Variants in ARHGEF18 observed in about 807,000 individuals in gnomAD.
ARHGEF18 encodes rho guanine nucleotide exchange factor 18.
ARHGEF18 carries 93 observed loss-of-function variants against 155.7 expected under a neutral mutation model. The ratio of observed to expected loss-of-function variants is 0.60; its 90% CI spans 0.50 to 0.71. The LOEUF is 0.71. Ranked by LOEUF, ARHGEF18 falls within the 30% of genes least tolerant of loss-of-function variation. The pLI is 0.00. For synonymous variants in ARHGEF18, 742 were observed against 753.1 expected (o/e 0.99, Z 0.24); for missense variants, 1,593 against 1,816.1 (o/e 0.88, Z 2.23).
Position 7,395,168 on chromosome 19 carries a change from G to A in ARHGEF18, c.967+11965G>A, listed in dbSNP as rs3810215. 3 of 986,018 alleles carry A rather than the reference G, an allele frequency of 3.0e-6. No individual in the cohort carries two copies. The highest frequency in any genetic ancestry group is 4.7e-5 in the South Asian group (1 of 21,316). 61.1% of individuals were successfully genotyped at this position (986,018 alleles called of 1,614,324 possible). ...CTGCTAGCTACTGTGGATCTGGGGG[G>A]GCCGGACGGAGGCATCGGAGGCGGC... On this transcript the variant is annotated intron_variant, in intron 10 of 28. Coordinates refer to ENST00000668164, the MANE Select transcript of ARHGEF18 (RefSeq NM_001367823.1). The surrounding 1 kb of genome is among the most constrained non-coding windows in gnomAD (Gnocchi z 5.0).
chr19:7,381,374 C>G (rs1289186855), intron 8 of ARHGEF18, among the ~76,000 whole-genome samples: 1 of 152,100 alleles, frequency 6.6e-6, no homozygotes, highest in Non-Finnish European at 1.5e-5. Flanking sequence ...GGCGCTCACA[C>G]TTTATCCGAA....
rs1298122710 is a variant in ARHGEF18 at position 7,467,488 on chromosome 19, C to T, written c.3284C>T (p.Ala1095Val). ...GARLQEREGE[A>V]RQLRERLEQE... ...CGGCTGCAGGAGCGCGAGGGCGAGGCGCGGCAGCTACGCGAGCGGCTGGAG... is the reference window on the plus strand; with the variant it reads ...CGGCTGCAGGAGCGCGAGGGCGAGGTGCGGCAGCTACGCGAGCGGCTGGAG... Residue 1095 changes from alanine to valine, a missense_variant, in exon 26 of 29, where the codon GCG becomes GTG. Transcript: ENST00000668164. 1.4e-6 allele frequency: 2 copies of T among 1,445,016 alleles called. No individual in the cohort carries two copies. Among genetic ancestry groups the T allele is most frequent in the South Asian group, 1.4e-5 (1 of 70,590 alleles). 89.5% of individuals were successfully genotyped at this position (1,445,016 alleles called of 1,614,324 possible).
chr19:7,356,720 C>T (rs947056089), intron 1 of ARHGEF18, among the ~76,000 whole-genome samples: 13 of 152,142 alleles, frequency 8.5e-5, no homozygotes, highest in African/African-American at 2.2e-4. Context: ...TTCTTGTCTC[C>T]GGCTCCCCAC....
intron 10 of ARHGEF18, among the ~76,000 whole-genome samples, chr19:7,422,379 G>C (rs1296431219): frequency 7.0e-6 from 1 of 143,266 alleles, no homozygotes; most frequent in Non-Finnish European, 1.5e-5. Flanking sequence ...GCAGCCTTCT[G>C]TCCTGTAACC....
At chr19:7,359,901 T>C (rs1305819222) in intron 1 of ARHGEF18, among the ~76,000 whole-genome samples, 2 of 152,128 alleles carry the variant, frequency 1.3e-5, no homozygotes, top group South Asian at 2.1e-4. Flanking sequence ...ATGCCTGTAA[T>C]CCCAGCACTT....
At chr19:7,399,955 G>C (rs1462240432) in intron 10 of ARHGEF18, among the ~76,000 whole-genome samples, 2 of 152,034 alleles carry the variant, frequency 1.3e-5, no homozygotes, top group East Asian at 3.9e-4. Flanking sequence ...GTATTTTTGT[G>C]TGTGTGTTAG....
rs1976508073 is a variant in ARHGEF18 at position 7,464,685 on chromosome 19, C to T, written c.2899C>T (p.Gln967Ter). ...TCCTGGGAGCTCTGAGGAATCGCCGCAGGTGGTACGTGGATATCCATTTGC... is the reference window on the plus strand; with the variant it reads ...TCCTGGGAGCTCTGAGGAATCGCCGTAGGTGGTACGTGGATATCCATTTGC... Reference protein sequence around the residue: ...DIPGSSEESPQVVEAPGTESD... With the variant: ...DIPGSSEESP Residue 967 changes from glutamine (Q) to a stop codon, truncating the protein, a stop_gained, in exon 23 of 29, where the codon CAG (glutamine) becomes TAG (stop). Coordinates refer to ENST00000668164, the MANE Select transcript of ARHGEF18 (RefSeq NM_001367823.1). LOFTEE classifies it high-confidence loss of function. The T allele has an allele frequency of 6.2e-7, 1 of 1,613,870 alleles. No individual in the cohort carries two copies. Among genetic ancestry groups the T allele is most frequent in the South Asian group, 1.1e-5 (1 of 91,086 alleles).
chr19:7,366,462 G>T (rs530135910), intron 2 of ARHGEF18, among the ~76,000 whole-genome samples: 1 of 152,290 alleles, frequency 6.6e-6, no homozygotes, highest in East Asian at 1.9e-4. Flanking sequence ...CCTGTAATGT[G>T]CTTACCTGCA....
chr19:7,400,834 CTAAAT>C (rs1971991174), intron 10 of ARHGEF18, among the ~76,000 whole-genome samples: 1 of 152,004 alleles, frequency 6.6e-6, no homozygotes, highest in African/African-American at 2.4e-5. Context: ...GACCCTATCT[CTAAAT>C]AAATAAATAT....
chr19:7,373,169 G>A (rs1970277609), intron 3 of ARHGEF18, 98 bp downstream of exon 3: 2 of 1,225,092 alleles, frequency 1.6e-6, no homozygotes, highest in Admixed American at 4.2e-5. Flanking sequence ...GCCACCCCTT[G>A]CACCTGCCGT....
rs188875961 is a variant in ARHGEF18 at position 7,416,462 on chromosome 19, G to A, written c.968-23882G>A. On this transcript the variant is annotated intron_variant, in intron 10 of 28. Coordinates refer to ENST00000668164, the MANE Select transcript of ARHGEF18 (RefSeq NM_001367823.1). Reference sequence around the variant, plus strand: ...TTAGAAAATAAAATGACCTTCAAACGTAGTGCTGCAGTGCCAGCAAGTGCC... The same window carrying A: ...TTAGAAAATAAAATGACCTTCAAACATAGTGCTGCAGTGCCAGCAAGTGCC... Among the ~76,000 whole-genome samples the A allele has an allele frequency of 4.1e-3, 617 of 151,228 alleles. 1 individual carries two copies. Among genetic ancestry groups the A allele is most frequent in the Middle Eastern group, 6.9e-3 (2 of 290 alleles).
At chr19:7,456,248 G>T in intron 17 of ARHGEF18, 79 bp from the exon 18 acceptor site, 3 of 1,287,116 alleles carry the variant, frequency 2.3e-6, no homozygotes, top group Non-Finnish European at 1.1e-6. Flanking sequence ...TTCCTGGGAA[G>T]TGGCATCCGC....
intron 10 of ARHGEF18, chr19:7,394,942 T>A: frequency 7.5e-6 from 4 of 536,486 alleles, no homozygotes; most frequent in Non-Finnish European, 9.4e-6. Context: ...GCGAGCACCC[T>A]CCCACTTCGG....
chr19:7,374,927 T>A (rs943480292), intron 3 of ARHGEF18, among the ~76,000 whole-genome samples: 2 of 151,554 alleles, frequency 1.3e-5, no homozygotes, highest in Non-Finnish European at 3.0e-5. Context: ...AGGCAGGGGG[T>A]GCTCTAGCCA....
chr19:7,428,922 A>G (rs1973809080), intron 10 of ARHGEF18, among the ~76,000 whole-genome samples: 1 of 152,170 alleles, frequency 6.6e-6, no homozygotes, highest in African/African-American at 2.4e-5. Flanking sequence ...GGAGATGAAC[A>G]GCACCTGACC....
At chr19:7,374,790 C>T (rs9329372) in intron 3 of ARHGEF18, among the ~76,000 whole-genome samples, 29,914 of 151,994 alleles carry the variant, frequency 0.2, 6,722 homozygotes, top group African/African-American at 0.54. Context: ...ATCAGACCCA[C>T]GCATATAAGC....
chr19:7,378,684 CTTTTT>C (rs548305968), intron 6 of ARHGEF18, among the ~76,000 whole-genome samples: 5,561 of 88,124 alleles, frequency 0.063, 350 homozygotes, highest in Admixed American at 0.099. Flanking sequence ...ACAATTGTGG[CTTTTT>C]TTTTTTTTTT....
At chr19:7,385,535 G>A (rs1970965049) in intron 10 of ARHGEF18, among the ~76,000 whole-genome samples, 1 of 150,532 alleles carries the variant, frequency 6.6e-6, no homozygotes, top group African/African-American at 2.4e-5. Context: ...GAGTGCAGTG[G>A]CACGATCATA....
At chr19:7,402,836 G>A (rs1287230812) in intron 10 of ARHGEF18, among the ~76,000 whole-genome samples, 2 of 152,158 alleles carry the variant, frequency 1.3e-5, no homozygotes, top group African/African-American at 2.4e-5. Flanking sequence ...GTGTGACAAA[G>A]TGAGAGCCTC....
Sources: gnomAD v4.1 joint callset for allele counts (sites outside exome capture counted in the v4.1 genomes callset) on GRCh38, gnomAD v4.1.1 for gene constraint, Gnocchi (gnomAD v3.1) non-coding constraint, MANE v1.5 for transcripts, NCBI Gene and HGNC (gene_info 2026-07-23, HGNC 2026-07-21) for gene names.